The following WAC variants were observed in gnomAD, a reference collection of about 807,000 sequenced individuals.
WAC encodes WW domain-containing adapter protein with coiled-coil.
Under a neutral mutation model 79.6 loss-of-function variants are expected in WAC, and 11 were observed. The observed-to-expected ratio is 0.14, with a 90% CI of 0.09 to 0.23. The LOEUF is 0.23. Ranked by LOEUF, WAC falls within the 10% of genes least tolerant of loss-of-function variation. WAC has a pLI of 1.00. For missense variants in WAC, 728 were observed against 773.5 expected, an observed-to-expected ratio of 0.94 and a Z score of 0.70; for synonymous variants, 304 against 276.9, an observed-to-expected ratio of 1.10 and a Z score of -0.97.
intron 3 of WAC, among the ~76,000 whole-genome samples, chr10:28,563,769 T>TTTTTTTTTTTTTTTA (rs1163758803): frequency 4.1e-5 from 5 of 120,554 alleles, no homozygotes; most frequent in Non-Finnish European, 9.4e-5. Context: ...TTTTTTTTTT[T>TTTTTTTTTTTTTTTA]TTTTGTATTT....
At chr10:28,615,453 T>C (rs912362543) in intron 11 of WAC, 9 of 152,186 alleles carry the variant, frequency 5.9e-5, no homozygotes, top group Non-Finnish European at 1.3e-4. Flanking sequence ...TTCTTTTAAA[T>C]TGTTTTTAGA....
rs1442142974 is a variant in WAC, at chr10:28,562,411, A to T, written c.275-20988A>T. On this transcript the variant is annotated intron_variant, in intron 3 of 13. Coordinates refer to ENST00000354911, the MANE Select transcript of WAC (RefSeq NM_016628.5). ...TTCCAGTTTCTTAAGAGCAGTGACAATATTTGAAAATTTGTTGCAAATATA... is the reference window on the plus strand; with the variant it reads ...TTCCAGTTTCTTAAGAGCAGTGACATTATTTGAAAATTTGTTGCAAATATA... Among the ~76,000 whole-genome samples the T allele has an allele frequency of 4.6e-5, 7 of 152,126 alleles. No homozygotes were observed. The East Asian group carries it at 1.3e-3, about 29-fold the overall frequency.
chr10:28,535,413 CTT>C, intron 2 of WAC, 147 bp from the exon 3 acceptor site: 1 of 879,546 alleles, frequency 1.1e-6, no homozygotes, highest in Admixed American at 3.5e-5. Flanking sequence ...GTCTGAGAAA[CTT>C]TAAAGAGTAA....
chr10:28,608,330 C>T lies in WAC; in HGVS notation c.1064C>T (p.Pro355Leu). The change falls in exon 8 of 14, where the codon CCC becomes CTC. Residue 355 changes from proline to leucine, a missense_variant. By Grantham distance (98) the Pro-to-Leu change is moderately conservative (BLOSUM62 -3). Around this residue, in one of 3 missense-constraint regions of WAC, gnomAD observed 648 missense variants for 661.5 expected, o/e 0.98. Coordinates refer to ENST00000354911, the MANE Select transcript of WAC (RefSeq NM_016628.5). ...VSPVPQSPIP[P>L]LLQDPNLLRQ... ...CCTGTTCCACAGTCGCCAATACCTC[C>T]CTTACTTCAGGACCCAAATCTTCTT... 6.2e-7 allele frequency: 1 copy of T among 1,614,196 alleles called. No homozygotes were observed. Among genetic ancestry groups the T allele is most frequent in the Middle Eastern group, 1.6e-4 (1 of 6,062 alleles).
intron 3 of WAC, among the ~76,000 whole-genome samples, chr10:28,575,908 T>C (rs548511436): frequency 6.6e-6 from 1 of 152,342 alleles, no homozygotes; most frequent in South Asian, 2.1e-4. Flanking sequence ...TAATGTATTT[T>C]TACTGTACCT....
intron 5 of WAC, 144 bp from the exon 6 acceptor site, chr10:28,590,576 C>T: frequency 1.5e-6 from 1 of 653,484 alleles, no homozygotes; most frequent in Non-Finnish European, 2.6e-6. Context: ...TACGTTCCAT[C>T]TCACACACCA....
At position 28,579,074 on chromosome 10, in the gene WAC, C is replaced by G. The variant is rs73609825; in HGVS notation, c.275-4325C>G. 3.9e-3 allele frequency among the ~76,000 whole-genome samples: 599 copies of G among 152,218 alleles called. 6 individuals are homozygous for G. Among genetic ancestry groups the G allele is most frequent in the African/African-American group, 0.014 (582 of 41,532 alleles). ...AGACTCCTTTAAGACTTAACTTTAT[C>G]AGTCCTAACTTTAATTTCTTGAGGT... is the stretch of plus-strand genomic sequence containing the variant. On this transcript the variant is annotated intron_variant, in intron 3 of 13. Coordinates refer to ENST00000354911, the MANE Select transcript of WAC (RefSeq NM_016628.5).
intron 3 of WAC, among the ~76,000 whole-genome samples, chr10:28,548,415 T>C (rs1837484176): frequency 6.6e-6 from 1 of 152,150 alleles, no homozygotes; most frequent in African/African-American, 2.4e-5. Flanking sequence ...GCCTGGTAAA[T>C]AGTAAGTACA....
At chr10:28,540,917 G>A (rs1375347039) in intron 3 of WAC, among the ~76,000 whole-genome samples, 1 of 152,000 alleles carries the variant, frequency 6.6e-6, no homozygotes, top group East Asian at 1.9e-4. Context: ...TGTGATGTAA[G>A]CATCTGTGCA....
intron 1 of WAC, 92 bp from the exon 2 acceptor site, chr10:28,533,906 C>A: frequency 1.3e-6 from 2 of 1,483,108 alleles, no homozygotes; most frequent in Non-Finnish European, 1.9e-6. Flanking sequence ...AGGTCTCCCG[C>A]GGGGAGGGGC....
chr10:28,590,983 A>G (rs1840052060), intron 6 of WAC, 151 bp downstream of exon 6: 1 of 697,264 alleles, frequency 1.4e-6, no homozygotes, highest in South Asian at 1.8e-5. Flanking sequence ...ACCCTCCACC[A>G]TTTTGGTCCC....
chr10:28,590,947 A>G, intron 6 of WAC, 115 bp downstream of exon 6: 1 of 875,590 alleles, frequency 1.1e-6, no homozygotes, highest in Non-Finnish European at 1.8e-6. Flanking sequence ...AAACATACGG[A>G]GATTCTTTTA....
chr10:28,547,536 CAA>C (rs879618722), intron 3 of WAC, among the ~76,000 whole-genome samples: 14 of 123,472 alleles, frequency 1.1e-4, no homozygotes, highest in African/African-American at 8.9e-5. Context: ...ACTCCATCTC[CAA>C]AAAAAAAAAA....
intron 3 of WAC, among the ~76,000 whole-genome samples, chr10:28,563,195 G>A (rs185901965): frequency 1.6e-3 from 238 of 152,170 alleles, no homozygotes; most frequent in Non-Finnish European, 2.7e-3. Context: ...GTGAGTCACC[G>A]CATGTGGCCG....
intron 3 of WAC, among the ~76,000 whole-genome samples, chr10:28,581,550 G>A (rs1161180934): frequency 6.6e-6 from 1 of 151,736 alleles, no homozygotes; most frequent in African/African-American, 2.4e-5. Flanking sequence ...CTTTTTGTTT[G>A]TTTGTTTGTT....
intron 3 of WAC, among the ~76,000 whole-genome samples, chr10:28,564,264 A>T (rs1838473072): frequency 6.6e-6 from 1 of 152,154 alleles, no homozygotes. Flanking sequence ...AAAAAACAAA[A>T]CCAAACAAAA....
intron 3 of WAC, among the ~76,000 whole-genome samples, chr10:28,565,605 A>T (rs141091883): frequency 2.0e-5 from 3 of 152,166 alleles, no homozygotes; most frequent in African/African-American, 4.8e-5. Flanking sequence ...TTATCAAATA[A>T]TATTATTATA....
In WAC at chr10:28,570,435, C is replaced by G. The variant is rs187015171; in HGVS notation, c.275-12964C>G. On this transcript the variant is annotated intron_variant, in intron 3 of 13. Transcript: ENST00000354911. ...CTTCGGCAGCTCATCTGCAGACACTCTCTGTATCCCTTATTATTAAATGAT... is the reference window on the plus strand; with the variant it reads ...CTTCGGCAGCTCATCTGCAGACACTGTCTGTATCCCTTATTATTAAATGAT... Among the ~76,000 whole-genome samples the G allele has an allele frequency of 1.6e-4, 24 of 152,308 alleles. No individual in the cohort carries two copies. The East Asian group carries it at 3.9e-3, about 24-fold the overall frequency.
intron 3 of WAC, chr10:28,538,377 T>G (rs1341991254): frequency 4.3e-6 from 1 of 230,474 alleles, no homozygotes; most frequent in South Asian, 3.8e-5. Flanking sequence ...AGGTCAGGAG[T>G]TTGAGACCAG....
Sources: gnomAD v4.1 joint callset for allele counts (sites outside exome capture counted in the v4.1 genomes callset) on GRCh38, gnomAD v4.1.1 for gene constraint, gnomAD v4.1.1 regional missense constraint, MANE v1.5 for transcripts, NCBI Gene and HGNC (gene_info 2026-07-23, HGNC 2026-07-21) for gene names.